MCC: variants seen among roughly 807,000 people sequenced by gnomAD.
The protein encoded by MCC is MCC regulator of Wnt signaling pathway.
MCC carries 90 observed loss-of-function variants against 116.2 expected under a neutral mutation model. The ratio of observed to expected loss-of-function variants is 0.77; its 90% CI spans 0.65 to 0.92. MCC has a LOEUF of 0.92. Ranked by LOEUF, MCC falls within the 40% of genes least tolerant of loss-of-function variation. MCC has a pLI of 0.00. For synonymous variants in MCC, 578 were observed against 510.5 expected (o/e 1.13, Z -1.78); for missense variants, 1,516 against 1,312.2 (o/e 1.16, Z -2.40).
Position 113,180,091 on chromosome 5 carries a change from C to T in MCC, c.628-28669G>A, listed in dbSNP as rs546881026. Among the ~76,000 whole-genome samples the T allele has an allele frequency of 1.0e-3, 158 of 152,246 alleles. 1 individual carries two copies. The highest frequency in any genetic ancestry group is 3.7e-3 in the African/African-American group (154 of 41,550). Reference sequence around the variant, plus strand: ...AATACAGTGGCCCGACAGCCTCCTCCCCCGATTTTAGGAAGGGGTCGCCTG... The same window carrying T: ...AATACAGTGGCCCGACAGCCTCCTCTCCCGATTTTAGGAAGGGGTCGCCTG... On this transcript the variant is annotated intron_variant, in intron 3 of 18. Transcript: ENST00000408903.
At chr5:113,137,768 C>T (rs1167135246) in intron 5 of MCC, among the ~76,000 whole-genome samples, 1 of 152,160 alleles carries the variant, frequency 6.6e-6, no homozygotes, top group Non-Finnish European at 1.5e-5. Context: ...CTTCCATTCT[C>T]TCAATCCACA....
intron 8 of MCC, among the ~76,000 whole-genome samples, chr5:113,099,348 G>A (rs894012240): frequency 1.3e-5 from 2 of 152,038 alleles, no homozygotes; most frequent in Non-Finnish European, 2.9e-5. Context: ...AGGCCTGTAT[G>A]TGTGTGTGTG....
At chr5:113,140,593 G>T (rs1019998221) in intron 5 of MCC, among the ~76,000 whole-genome samples, 8 of 152,206 alleles carry the variant, frequency 5.3e-5, no homozygotes, top group Non-Finnish European at 1.0e-4. Flanking sequence ...TGCTTTGATT[G>T]TGACCTGAGA....
intron 6 of MCC, among the ~76,000 whole-genome samples, chr5:113,119,376 C>CG (rs1428270002): frequency 6.6e-6 from 1 of 151,942 alleles, no homozygotes; most frequent in Admixed American, 6.5e-5. Context: ...GAGGGGAGGG[C>CG]GGGGGGCCTT....
intron 14 of MCC, among the ~76,000 whole-genome samples, chr5:113,060,157 T>A (rs1165335045): frequency 6.6e-6 from 1 of 152,016 alleles, no homozygotes; most frequent in Admixed American, 6.6e-5. Flanking sequence ...TTTGTTTGTT[T>A]GTTTGTTTGT....
chr5:113,444,069 T>C (rs1771134355), intron 1 of MCC, among the ~76,000 whole-genome samples: 2 of 151,982 alleles, frequency 1.3e-5, no homozygotes, highest in Non-Finnish European at 2.9e-5. Context: ...GTTCTCGAAC[T>C]CCTGACCTCA....
chr5:113,315,485 A>G (rs918911468), intron 3 of MCC, among the ~76,000 whole-genome samples: 2 of 152,208 alleles, frequency 1.3e-5, no homozygotes, highest in South Asian at 4.1e-4. Context: ...TGCTGCATAC[A>G]GCCAACATAG....
chr5:113,487,184 G>A (rs1274014444), intron 1 of MCC, among the ~76,000 whole-genome samples: 1 of 150,508 alleles, frequency 6.6e-6, no homozygotes, highest in East Asian at 1.9e-4. Flanking sequence ...GAAAAATTCC[G>A]CACTTTGCTT....
chr5:113,436,615 G>A (rs1364361853), intron 1 of MCC: 3 of 152,208 alleles, frequency 2.0e-5, no homozygotes, highest in Non-Finnish European at 4.4e-5. Flanking sequence ...GCTCTGCAAA[G>A]CTGTCTCTTA....
At chr5:113,357,344 T>G (rs1329219287) in intron 2 of MCC, among the ~76,000 whole-genome samples, 1 of 152,202 alleles carries the variant, frequency 6.6e-6, no homozygotes, top group Admixed American at 6.5e-5. Flanking sequence ...GTAACAATTA[T>G]GATTACCAAT....
chr5:113,484,705 T>C (rs1772466474), intron 1 of MCC, among the ~76,000 whole-genome samples: 1 of 152,204 alleles, frequency 6.6e-6, no homozygotes, highest in Non-Finnish European at 1.5e-5. Context: ...AACTCAAAAA[T>C]GTTAAGCACT....
chr5:113,287,617 G>A lies in MCC; in HGVS notation c.627+52902C>T, dbSNP rs377200225. ...TGGGATTACAGGCATGAGCCACCAC[G>A]CCCAGCCCATCAACAGCTTCTTAAT... On this transcript the variant is annotated intron_variant, in intron 3 of 18. Transcript: ENST00000408903. 2.2e-4 allele frequency among the ~76,000 whole-genome samples: 33 copies of A among 152,212 alleles called. 4 individuals carry two copies. The highest frequency in any genetic ancestry group is 7.2e-4 in the Admixed American group (11 of 15,280).
chr5:113,394,741 T>C (rs1769483476), intron 1 of MCC, among the ~76,000 whole-genome samples: 1 of 152,220 alleles, frequency 6.6e-6, no homozygotes, highest in Non-Finnish European at 1.5e-5. Context: ...TTCAGTATCT[T>C]ATCAAAGTAA....
At chr5:113,086,869 G>C (rs1345657740) in intron 8 of MCC, among the ~76,000 whole-genome samples, 1 of 152,194 alleles carries the variant, frequency 6.6e-6, no homozygotes, top group African/African-American at 2.4e-5. Flanking sequence ...TGCTAAAACA[G>C]ATTCCAGGGC....
chr5:113,259,390 A>C (rs2150347741), intron 3 of MCC, among the ~76,000 whole-genome samples: 1 of 152,284 alleles, frequency 6.6e-6, no homozygotes, highest in Middle Eastern at 3.4e-3. Flanking sequence ...TTCAGCCCTA[A>C]ATTCTAATCC....
At position 113,122,826 on chromosome 5, in the gene MCC, C is replaced by T. The variant is rs139720121; in HGVS notation, c.885G>A (p.Arg295=). 3 of 1,613,534 alleles carry T rather than the reference C, an allele frequency of 1.9e-6. No individual in the cohort carries two copies. The highest frequency in any genetic ancestry group is 2.7e-5 in the African/African-American group (2 of 74,830). ...GCAGTTCTGAGTACTCATCTTCCTC[C>T]CTGAGAAAAAAGGAGAATTGGCAAC... The part of the protein sequence containing the change: ...KIDRLQGTTI[R]EEDEYSELRS... The change falls in exon 6 of 19, where the codon AGG becomes AGA. Residue 295 remains arginine, a splice_region_variant and synonymous_variant. Transcript: ENST00000408903.
In MCC at chr5:113,238,283, T is replaced by A. The variant is rs558838952; in HGVS notation, c.628-86861A>T. Among the ~76,000 whole-genome samples the A allele has an allele frequency of 2.0e-5, 3 of 152,300 alleles. 1 individual carries two copies. The highest frequency in any genetic ancestry group is 7.2e-5 in the African/African-American group (3 of 41,564). ...TGGAAACATTTTTTCCTGTTTTTTTTAATCAAAGCAATTATTTCACTAAAA... is the reference window on the plus strand; with the variant it reads ...TGGAAACATTTTTTCCTGTTTTTTTAAATCAAAGCAATTATTTCACTAAAA... On this transcript the variant is annotated intron_variant, in intron 3 of 18. Transcript: ENST00000408903.
At chr5:113,044,188 C>A (rs1561747181) in intron 16 of MCC, among the ~76,000 whole-genome samples, 1 of 152,172 alleles carries the variant, frequency 6.6e-6, no homozygotes, top group Non-Finnish European at 1.5e-5. Flanking sequence ...AAAGCAAACT[C>A]CTTTAGATTT....
intron 5 of MCC, among the ~76,000 whole-genome samples, chr5:113,127,970 G>A (rs1324652017): frequency 6.6e-6 from 1 of 152,140 alleles, no homozygotes; most frequent in African/African-American, 2.4e-5. Context: ...TCCTCACATT[G>A]TTTGAGGGTC....
Sources: gnomAD v4.1 joint callset for allele counts (sites outside exome capture counted in the v4.1 genomes callset) on GRCh38, gnomAD v4.1.1 for gene constraint, MANE v1.5 for transcripts, NCBI Gene and HGNC (gene_info 2026-07-23, HGNC 2026-07-21) for gene names.